The following INO80D variants were observed in gnomAD, a reference collection of about 807,000 sequenced individuals.
INO80D encodes INO80 complex subunit D.
Under a neutral mutation model 87.6 loss-of-function variants are expected in INO80D, and 21 were observed. The ratio of observed to expected loss-of-function variants is 0.24; its 90% CI spans 0.17 to 0.35. The LOEUF (loss-of-function observed/expected upper bound fraction) is 0.35. Among genes scored for constraint, INO80D ranks in the 10% least tolerant of loss-of-function variants. The probability of loss-of-function intolerance (pLI) is 1.00; values close to 1 mark genes in which losing one functional copy is unlikely to be tolerated. For missense variants in INO80D, 982 were observed against 1,280.7 expected, an observed-to-expected ratio of 0.77 and a Z score of 3.56; for synonymous variants, 440 against 491.0, an observed-to-expected ratio of 0.90 and a Z score of 1.37.
Position 206,062,711 on chromosome 2 carries a change from CAGAAGAAAAG to C in INO80D, c.218+78_218+87del, listed in dbSNP as rs554219411. 478 of 1,095,416 alleles carry C rather than the reference CAGAAGAAAAG, an allele frequency of 4.4e-4. 1 individual carries two copies. The African/African-American group carries it at 6.9e-3, about 16-fold the overall frequency. 67.9% of individuals were successfully genotyped at this position (1,095,416 alleles called of 1,614,324 possible). ...AAGGGAGGGAGGGAGAAATGAAGGACAGAAGAAAAGAGAAGAAAAAACAAGAAAAGAAAAA... is the reference window on the plus strand; with the variant it reads ...AAGGGAGGGAGGGAGAAATGAAGGACAGAAGAAAAAACAAGAAAAGAAAAA... On this transcript the variant is annotated intron_variant, in intron 3 of 10. Transcript: ENST00000403263. The surrounding 1 kb of genome is among the most constrained non-coding windows in gnomAD (Gnocchi z 4.6).
chr2:206,005,536 G>A lies in INO80D; in HGVS notation c.1919-3C>T, dbSNP rs748687875. On this transcript the variant is annotated splice_region_variant and splice_polypyrimidine_tract_variant and intron_variant, in intron 10 of 10. Transcript: ENST00000403263. Reference sequence around the variant, plus strand: ...TGGGAGGAGGTCTCCATTCTTCCCTGAGTCAACAAAAGCCATCGACAATCA... The same window carrying A: ...TGGGAGGAGGTCTCCATTCTTCCCTAAGTCAACAAAAGCCATCGACAATCA... 3.1e-6 allele frequency: 5 copies of A among 1,605,674 alleles called. No homozygotes were observed. Among genetic ancestry groups the A allele is most frequent in the Admixed American group, 3.4e-5 (2 of 59,504 alleles).
At chr2:206,065,792 T>C (rs1372155323) in intron 1 of INO80D, among the ~76,000 whole-genome samples, 1 of 152,212 alleles carries the variant, frequency 6.6e-6, no homozygotes, top group Non-Finnish European at 1.5e-5. Context: ...GAAAAAATGC[T>C]GAACATCACT....
chr2:206,028,074 G>T, intron 6 of INO80D, 37 bp downstream of exon 6: 1 of 1,389,872 alleles, frequency 7.2e-7, no homozygotes, highest in Non-Finnish European at 9.8e-7. Context: ...AGCAAACTGA[G>T]ATGAGTCCCT....
At chr2:206,019,593 AT>A (rs1212437277) in intron 7 of INO80D, 142 bp downstream of exon 7, 1 of 633,586 alleles carries the variant, frequency 1.6e-6, no homozygotes, top group African/African-American at 1.9e-5. Flanking sequence ...AGAGGACATC[AT>A]GAAAATTATG....
chr2:206,082,002 T>C (rs981562081), intron 1 of INO80D, among the ~76,000 whole-genome samples: 1 of 152,124 alleles, frequency 6.6e-6, no homozygotes. Flanking sequence ...ATGCTACAAA[T>C]AAAATTTCAC....
chr2:206,036,373 T>C (rs1688893834), intron 5 of INO80D, among the ~76,000 whole-genome samples: 1 of 152,082 alleles, frequency 6.6e-6, no homozygotes, highest in Non-Finnish European at 1.5e-5. Context: ...ATAAAGAAAC[T>C]GTGGTATATG....
At chr2:206,012,741 C>T (rs548858358) in intron 8 of INO80D, among the ~76,000 whole-genome samples, 5 of 152,020 alleles carry the variant, frequency 3.3e-5, no homozygotes, top group East Asian at 1.9e-4. Flanking sequence ...CGGTGGCACA[C>T]GCCTGCAGTC....
chr2:206,070,031 T>C (rs1016110872), intron 1 of INO80D, among the ~76,000 whole-genome samples: 3 of 152,178 alleles, frequency 2.0e-5, no homozygotes, highest in African/African-American at 4.8e-5. Context: ...CCCAGCACTT[T>C]GGGAGGCTGA....
At chr2:206,016,342 C>T (rs184402855) in intron 8 of INO80D, among the ~76,000 whole-genome samples, 78 of 152,254 alleles carry the variant, frequency 5.1e-4, no homozygotes, top group African/African-American at 1.7e-3. Context: ...TTGTTTTGGC[C>T]AATTTCTCCC....
chr2:206,015,343 C>G (rs1159914378), intron 8 of INO80D, among the ~76,000 whole-genome samples: 2 of 152,112 alleles, frequency 1.3e-5, no homozygotes, highest in African/African-American at 4.8e-5. Flanking sequence ...GGCCTGGAGG[C>G]CTAGGAGGAA....
chr2:206,060,565 T>TC (rs1689661110), intron 3 of INO80D, among the ~76,000 whole-genome samples: 1 of 69,782 alleles, frequency 1.4e-5, no homozygotes, highest in African/African-American at 4.1e-5. Flanking sequence ...AACTTAGTGC[T>TC]TTTTTTTTTT....
intron 5 of INO80D, among the ~76,000 whole-genome samples, chr2:206,031,484 A>G (rs998655907): frequency 6.6e-5 from 10 of 152,172 alleles, no homozygotes; most frequent in African/African-American, 2.2e-4. Context: ...CTGTTATTTT[A>G]AAAAGATGCA....
chr2:206,014,720 G>A (rs1304240149), intron 8 of INO80D, among the ~76,000 whole-genome samples: 4 of 152,074 alleles, frequency 2.6e-5, no homozygotes, highest in Admixed American at 2.6e-4. Context: ...TACCAGTAGA[G>A]TGGGGTGCTG....
chr2:206,062,282 G>GTTTTTTAAAA lies in INO80D; in HGVS notation c.218+507_218+516dup, dbSNP rs1689709311. Among the ~76,000 whole-genome samples, 1 of 152,118 alleles carries GTTTTTTAAAA rather than the reference G, an allele frequency of 6.6e-6. No individual in the cohort carries two copies. ...GAAATAAATCTAACTGATTCAAGTAGTTTTTTAAAATTTTCTTCAGTAAGT... is the reference window on the plus strand; with the variant it reads ...GAAATAAATCTAACTGATTCAAGTAGTTTTTTAAAATTTTTTAAAATTTTCTTCAGTAAGT... On this transcript the variant is annotated intron_variant, in intron 3 of 10. Coordinates refer to ENST00000403263, the MANE Select transcript of INO80D (RefSeq NM_017759.5). This position sits in a 1 kb window ranked among gnomAD's most constrained non-coding sequence, Gnocchi z 4.6.
At chr2:206,037,567 A>C (rs1489257787) in intron 5 of INO80D, among the ~76,000 whole-genome samples, 1 of 152,254 alleles carries the variant, frequency 6.6e-6, no homozygotes, top group Non-Finnish European at 1.5e-5. Context: ...ATTCACAAAA[A>C]GATAACAAGT....
chr2:206,043,249 G>A (rs1689100912), intron 5 of INO80D, among the ~76,000 whole-genome samples: 1 of 151,998 alleles, frequency 6.6e-6, no homozygotes. Context: ...TCGGCTCACT[G>A]CAACCTCTGC....
In INO80D at chr2:205,996,575, T is replaced by C. The variant is rs1336457511; in HGVS notation, c.*7793A>G. The stretch of plus-strand genomic sequence containing the variant: ...TTAATCTTGCTTAACAAAGGCTGTT[T>C]ACCTATTATACACACACATTTTTAA... On this transcript the variant is annotated 3_prime_UTR_variant, in exon 11 of 11. Coordinates refer to ENST00000403263, the MANE Select transcript of INO80D (RefSeq NM_017759.5). The C allele has an allele frequency of 2.0e-5, 3 of 151,920 alleles. No homozygotes were observed. 9.4% of individuals were successfully genotyped at this position (151,920 alleles called of 1,614,324 possible). A position where few individuals can be genotyped will look rare whatever the true frequency, so the allele number is the denominator to read the frequency against.
In INO80D at chr2:206,002,547, A is replaced by G. The variant is rs1687923729; in HGVS notation, c.*1821T>C. On this transcript the variant is annotated 3_prime_UTR_variant, in exon 11 of 11. Transcript: ENST00000403263. ...TCAATAAATACAAAATAGGGCATAT[A>G]ATGATTTCATACAGTCATGTGACAT... 6.6e-6 allele frequency: 1 copy of G among 152,240 alleles called. No individual in the cohort carries two copies. Among genetic ancestry groups the G allele is most frequent in the South Asian group, 2.1e-4 (1 of 4,834 alleles). 9.4% of individuals were successfully genotyped at this position (152,240 alleles called of 1,614,324 possible).
chr2:206,039,033 T>C (rs182073808), intron 5 of INO80D, among the ~76,000 whole-genome samples: 1 of 152,262 alleles, frequency 6.6e-6, no homozygotes, highest in East Asian at 1.9e-4. Flanking sequence ...ACACATTAAA[T>C]GATAGACTCA....
Sources: allele counts gnomAD v4.1 joint callset (sites outside exome capture counted in the v4.1 genomes callset), GRCh38; gene constraint gnomAD v4.1.1; non-coding constraint Gnocchi (gnomAD v3.1); transcripts MANE v1.5; gene names NCBI Gene and HGNC (gene_info 2026-07-23, HGNC 2026-07-21).